The following TTC28 variants were observed in gnomAD, a reference collection of about 807,000 sequenced individuals.
The protein encoded by TTC28 is tetratricopeptide repeat domain 28, also known as tetratricopeptide repeat protein 28.
In TTC28, 61 loss-of-function variants were observed where a neutral mutation model predicts 198.0. The observed-to-expected ratio is 0.31, with a 90% CI of 0.25 to 0.38. The LOEUF is 0.38. Among genes scored for constraint, TTC28 ranks in the 10% least tolerant of loss-of-function variants. The pLI is 1.00. For missense variants in TTC28, 2,678 were observed against 3,164.0 expected (o/e 0.85, Z 3.69); for synonymous variants, 1,171 against 1,297.8 (o/e 0.90, Z 2.10).
intron 5 of TTC28, among the ~76,000 whole-genome samples, chr22:28,239,418 A>T (rs1929498081): frequency 6.6e-6 from 1 of 152,188 alleles, no homozygotes; most frequent in South Asian, 2.1e-4. Context: ...CAAATCAATG[A>T]CTTTTCTTAA....
At chr22:28,573,131 A>C (rs1022227528) in intron 2 of TTC28, among the ~76,000 whole-genome samples, 7 of 151,110 alleles carry the variant, frequency 4.6e-5, no homozygotes, top group Admixed American at 6.6e-5. Context: ...CAAAAAAAAA[A>C]AAAAACAAGT....
chr22:28,037,346 T>A (rs1939404481), intron 12 of TTC28, among the ~76,000 whole-genome samples: 1 of 152,210 alleles, frequency 6.6e-6, no homozygotes, highest in Non-Finnish European at 1.5e-5. Context: ...ATCCCTGGGA[T>A]GTAAGGCTGG....
intron 2 of TTC28, among the ~76,000 whole-genome samples, chr22:28,584,701 C>A (rs116811077): frequency 1.3e-5 from 2 of 152,260 alleles, no homozygotes; most frequent in African/African-American, 4.8e-5. Context: ...AGATTGAGTC[C>A]TTTTATTCCT....
intron 5 of TTC28, among the ~76,000 whole-genome samples, chr22:28,204,982 A>C (rs939937524): frequency 6.6e-6 from 1 of 152,260 alleles, no homozygotes; most frequent in Admixed American, 6.5e-5. Context: ...TTTGGACCAA[A>C]TGCCAAAATC....
At chr22:28,161,532 T>C (rs1032908887) in intron 6 of TTC28, among the ~76,000 whole-genome samples, 1 of 152,080 alleles carries the variant, frequency 6.6e-6, no homozygotes, top group African/African-American at 2.4e-5. Flanking sequence ...ACTGCATCTA[T>C]GGTTCTAGCT....
chr22:28,212,130 C>T (rs1927026205), intron 5 of TTC28, among the ~76,000 whole-genome samples: 1 of 151,944 alleles, frequency 6.6e-6, no homozygotes, highest in African/African-American at 2.4e-5. Context: ...TAAAGCAGTG[C>T]ATAGAGGGAA....
chr22:28,135,490 G>T (rs1171486005), intron 6 of TTC28, among the ~76,000 whole-genome samples: 2 of 152,168 alleles, frequency 1.3e-5, no homozygotes, highest in Non-Finnish European at 2.9e-5. Context: ...GGCAAGTAAA[G>T]GAGAAATCCC....
At chr22:28,590,034 C>CAAAAAAAAAAAAAAAAAA (rs71194779) in intron 2 of TTC28, among the ~76,000 whole-genome samples, 61 of 68,050 alleles carry the variant, frequency 9.0e-4, no homozygotes, top group Non-Finnish European at 1.2e-3. Flanking sequence ...AAGACTCCAT[C>CAAAAAAAAAAAAAAAAAA]AAAAAAAAAA....
chr22:28,147,478 T>C (rs1430447747), intron 6 of TTC28, among the ~76,000 whole-genome samples: 2 of 152,218 alleles, frequency 1.3e-5, no homozygotes, highest in South Asian at 2.1e-4. Flanking sequence ...CAATGTCACA[T>C]TGTCCTACTC....
chr22:28,344,172 T>C (rs2045873724), intron 2 of TTC28, among the ~76,000 whole-genome samples: 1 of 150,938 alleles, frequency 6.6e-6, no homozygotes, highest in Non-Finnish European at 1.5e-5. Context: ...ACTCAGAAAT[T>C]AAGCTATATT....
intron 1 of TTC28, among the ~76,000 whole-genome samples, chr22:28,639,022 T>A (rs2051319106): frequency 6.6e-6 from 1 of 152,234 alleles, no homozygotes; most frequent in Non-Finnish European, 1.5e-5. Context: ...AAAAGTTGCA[T>A]AACCTTTCAA....
chr22:28,565,230 G>GA (rs1030163764), intron 2 of TTC28, among the ~76,000 whole-genome samples: 5 of 149,964 alleles, frequency 3.3e-5, no homozygotes, highest in Admixed American at 2.0e-4. Flanking sequence ...TATGTCCCCA[G>GA]AAAAAAAAAT....
At chr22:28,115,524 T>C (rs1942606317) in intron 6 of TTC28, among the ~76,000 whole-genome samples, 1 of 152,264 alleles carries the variant, frequency 6.6e-6, no homozygotes, top group Non-Finnish European at 1.5e-5. Flanking sequence ...ATTGATGGCC[T>C]GGCTAAATCT....
chr22:28,421,729 C>T (rs974161076), intron 2 of TTC28, among the ~76,000 whole-genome samples: 2 of 151,996 alleles, frequency 1.3e-5, no homozygotes, highest in African/African-American at 2.4e-5. Context: ...AGGCGGATCA[C>T]GAGGTCAGGA....
At chr22:28,033,958 C>T (rs1290202985) in intron 12 of TTC28, among the ~76,000 whole-genome samples, 1 of 152,078 alleles carries the variant, frequency 6.6e-6, no homozygotes, top group Non-Finnish European at 1.5e-5. Context: ...CATAGTAGTA[C>T]ATGTATGTAT....
intron 5 of TTC28, among the ~76,000 whole-genome samples, chr22:28,194,392 C>T (rs1925185809): frequency 6.6e-6 from 1 of 152,116 alleles, no homozygotes; most frequent in Non-Finnish European, 1.5e-5. Flanking sequence ...CAAGAGCAAA[C>T]ACATTCAAAA....
chr22:28,018,244 AGTGTGTGTGTGTGTGT>A lies in TTC28; in HGVS notation c.4074-3868_4074-3853del, dbSNP rs138612299. On this transcript the variant is annotated intron_variant, in intron 13 of 22. Transcript: ENST00000397906. The stretch of plus-strand genomic sequence containing the variant: ...ACTCCTCTGATCTGTGCTGCTATTC[AGTGTGTGTGTGTGTGT>A]GTGTGTGTGTGTGTGTGTATGTGTG... 2.7e-4 allele frequency among the ~76,000 whole-genome samples: 31 copies of A among 114,974 alleles called. 1 individual carries two copies. In the East Asian group the frequency reaches 6.8e-3, roughly 25 times the overall value. The allele number at this position is 114,974 out of a possible 152,430, so 75.4% of individuals were successfully genotyped here.
At chr22:28,349,691 T>G (rs1039949363) in intron 2 of TTC28, among the ~76,000 whole-genome samples, 2 of 152,236 alleles carry the variant, frequency 1.3e-5, no homozygotes, top group African/African-American at 4.8e-5. Flanking sequence ...CACTAGTTAC[T>G]GTGATACAAT....
intron 2 of TTC28, among the ~76,000 whole-genome samples, chr22:28,490,648 G>A (rs894210966): frequency 1.3e-5 from 2 of 152,170 alleles, no homozygotes; most frequent in South Asian, 4.1e-4. Context: ...GCAGTTGAAA[G>A]TTTATATAAT....
Sources: allele counts gnomAD v4.1 joint callset (sites outside exome capture counted in the v4.1 genomes callset), GRCh38; gene constraint gnomAD v4.1.1; transcripts MANE v1.5; gene names NCBI Gene and HGNC (gene_info 2026-07-23, HGNC 2026-07-21).